FAM91A1: variants seen among roughly 807,000 people sequenced by gnomAD.
The protein encoded by FAM91A1 is family with sequence similarity 91 member A1.
In FAM91A1, 41 loss-of-function variants were observed where a neutral mutation model predicts 113.5. The observed-to-expected ratio is 0.36, with a 90% confidence interval of 0.28 to 0.47. The LOEUF (loss-of-function observed/expected upper bound fraction) is 0.47, where lower values mean the gene tolerates loss of function less well. Among genes scored for constraint, FAM91A1 ranks in the 20% least tolerant of loss-of-function variants. The pLI is 1.00. For missense variants in FAM91A1, 696 were observed against 1,001.2 expected, an observed-to-expected ratio of 0.70 and a Z score of 4.11; for synonymous variants, 307 against 347.9, an observed-to-expected ratio of 0.88 and a Z score of 1.31.
At chr8:123,799,944 C>T in intron 18 of FAM91A1, 59 bp downstream of exon 18, 1 of 1,336,476 alleles carries the variant, frequency 7.5e-7, no homozygotes. Context: ...ATTTTTCTAG[C>T]TTTCTATATT....
chr8:123,772,253 A>G (rs1814865213), intron 1 of FAM91A1, among the ~76,000 whole-genome samples: 1 of 152,238 alleles, frequency 6.6e-6, no homozygotes, highest in African/African-American at 2.4e-5. Context: ...GTAGTGTATT[A>G]AGAGACTTAT....
Position 123,787,183 on chromosome 8 carries a change from A to G in FAM91A1, c.1079-78A>G, listed in dbSNP as rs931685774. 1.4e-5 allele frequency: 15 copies of G among 1,107,460 alleles called. No homozygotes were observed. In the African/African-American group the frequency reaches 1.9e-4, roughly 14 times the overall value. The allele number at this position is 1,107,460 out of a possible 1,614,324, so 68.6% of individuals were successfully genotyped here. On this transcript the variant is annotated intron_variant, in intron 12 of 23. Transcript: ENST00000334705. ...ACTTTCTGGTTATCAAATAAAGCTG[A>G]AATGAAATACTTTCACTCCAAATGG...
chr8:123,784,956 T>C (rs760328923), intron 9 of FAM91A1, 125 bp from the exon 10 acceptor site: 3 of 626,654 alleles, frequency 4.8e-6, no homozygotes, highest in Non-Finnish European at 7.9e-6. Flanking sequence ...ATTCAAAATT[T>C]ATTCAGTCTT....
chr8:123,784,417 T>G, intron 8 of FAM91A1, 53 bp from the exon 9 acceptor site: 1 of 1,337,438 alleles, frequency 7.5e-7, no homozygotes, highest in African/African-American at 1.5e-5. Context: ...AATTATACTT[T>G]CTTGTTTTAT....
At chr8:123,798,645 TTA>T (rs1480162383) in intron 16 of FAM91A1, among the ~76,000 whole-genome samples, 3 of 152,182 alleles carry the variant, frequency 2.0e-5, no homozygotes, top group Non-Finnish European at 4.4e-5. Flanking sequence ...ACTGTATAAT[TTA>T]TATGTGAAAA....
chr8:123,812,476 G>A (rs768272722), intron 23 of FAM91A1, 43 bp from the exon 24 acceptor site: 24 of 1,507,942 alleles, frequency 1.6e-5, no homozygotes, highest in Non-Finnish European at 2.1e-5. Context: ...AGTGGTTTTG[G>A]TAAAGTGTTG....
At chr8:123,807,631 C>A (rs1168034501) in intron 20 of FAM91A1, among the ~76,000 whole-genome samples, 4 of 152,080 alleles carry the variant, frequency 2.6e-5, no homozygotes, top group African/African-American at 9.7e-5. Flanking sequence ...CAGAGAAGGC[C>A]TCTTAGAGAA....
chr8:123,782,851 GC>G (rs1354202779), intron 8 of FAM91A1, among the ~76,000 whole-genome samples: 1 of 152,000 alleles, frequency 6.6e-6, no homozygotes, highest in Non-Finnish European at 1.5e-5. Flanking sequence ...ATCTCATAGT[GC>G]CTTGGTTTCT....
intron 1 of FAM91A1, among the ~76,000 whole-genome samples, chr8:123,773,460 C>G (rs182093725): frequency 4.2e-4 from 64 of 152,314 alleles, no homozygotes; most frequent in African/African-American, 1.4e-3. Context: ...TTCAGGAACA[C>G]TGCAACAAAA....
intron 12 of FAM91A1, 126 bp downstream of exon 12, chr8:123,786,736 T>C (rs2130090473): frequency 1.3e-6 from 1 of 756,230 alleles, no homozygotes; most frequent in Non-Finnish European, 2.3e-6. Context: ...TTGAGTGTTT[T>C]ACTATATTTT....
chr8:123,768,601 G>T lies in FAM91A1; in HGVS notation c.-102G>T. The T allele has an allele frequency of 1.9e-6, 2 of 1,045,910 alleles. No individual in the cohort carries two copies. Among genetic ancestry groups the T allele is most frequent in the Non-Finnish European group, 2.7e-6 (2 of 737,664 alleles). 64.8% of individuals were successfully genotyped at this position (1,045,910 alleles called of 1,614,324 possible). A position where few individuals can be genotyped will look rare whatever the true frequency, so the allele number is the denominator to read the frequency against. ...TGGGCCTTCTGCAGTGTGAGGCGCGGGGCCTCCCGCGTCGCTCCGCTGACA... is the reference window on the plus strand; with the variant it reads ...TGGGCCTTCTGCAGTGTGAGGCGCGTGGCCTCCCGCGTCGCTCCGCTGACA... On this transcript the variant is annotated 5_prime_UTR_variant, in exon 1 of 24. Coordinates refer to ENST00000334705, the MANE Select transcript of FAM91A1 (RefSeq NM_144963.4).
chr8:123,797,819 G>A (rs1051174625), intron 15 of FAM91A1, among the ~76,000 whole-genome samples: 1 of 152,154 alleles, frequency 6.6e-6, no homozygotes, highest in Non-Finnish European at 1.5e-5. Flanking sequence ...TGGATGGAGA[G>A]AGGAAGTACG....
chr8:123,812,387 TTTG>T, intron 23 of FAM91A1, 129 bp from the exon 24 acceptor site: 1 of 643,776 alleles, frequency 1.6e-6, no homozygotes, highest in African/African-American at 2.0e-5. Context: ...AGTGTAGATC[TTTG>T]CATCTCCTGT....
intron 15 of FAM91A1, among the ~76,000 whole-genome samples, chr8:123,791,617 A>T (rs1815387405): frequency 6.6e-6 from 1 of 152,136 alleles, no homozygotes; most frequent in Non-Finnish European, 1.5e-5. Flanking sequence ...CAAACCTGCA[A>T]TTACTTATGA....
At chr8:123,775,320 G>A (rs369452533) in intron 3 of FAM91A1, 22 bp downstream of exon 3, 1 of 1,609,460 alleles carries the variant, frequency 6.2e-7, no homozygotes, top group African/African-American at 1.3e-5. Flanking sequence ...GTGTGGGTGA[G>A]CCAGTGGGAA....
At position 123,785,104 on chromosome 8, in the gene FAM91A1, C is replaced by T; in HGVS notation, c.834C>T (p.Asp278=). ...VAELANVLEI[D]LSLVKNAVSM... ...AGCTTGCAAATGTCCTTGAGATTGA[C>T]TTATCCCTGGTTAAGGTATGTTATT... The change falls in exon 10 of 24, where the codon GAC becomes GAT. Residue 278 remains aspartate, a synonymous_variant. Coordinates refer to ENST00000334705, the MANE Select transcript of FAM91A1 (RefSeq NM_144963.4). The T allele has an allele frequency of 6.3e-7, 1 of 1,589,626 alleles. No individual in the cohort carries two copies. The highest frequency in any genetic ancestry group is 1.2e-5 in the South Asian group (1 of 85,938).
intron 18 of FAM91A1, among the ~76,000 whole-genome samples, chr8:123,804,599 A>C (rs1815761691): frequency 6.6e-6 from 1 of 151,110 alleles, no homozygotes; most frequent in South Asian, 2.1e-4. Context: ...CAAATCAGAT[A>C]ATTTCATCTG....
At chr8:123,787,212 G>C in intron 12 of FAM91A1, 49 bp from the exon 13 acceptor site, 1 of 1,366,792 alleles carries the variant, frequency 7.3e-7, no homozygotes, top group Non-Finnish European at 1.0e-6. Flanking sequence ...CAAATGGTAA[G>C]CAAAGAATAA....
chr8:123,779,022 T>C (rs528982069), intron 6 of FAM91A1, among the ~76,000 whole-genome samples: 1 of 152,286 alleles, frequency 6.6e-6, no homozygotes, highest in East Asian at 1.9e-4. Flanking sequence ...AGAAGCTTCG[T>C]GTAAAGTAAC....
Sources: gnomAD v4.1 joint callset for allele counts (sites outside exome capture counted in the v4.1 genomes callset) on GRCh38, gnomAD v4.1.1 for gene constraint, MANE v1.5 for transcripts, NCBI Gene and HGNC (gene_info 2026-07-23, HGNC 2026-07-21) for gene names.